Variants in EPM2A observed in about 807,000 individuals in gnomAD.
EPM2A encodes the protein EPM2A glucan phosphatase, laforin.
Under a neutral mutation model 26.5 loss-of-function variants are expected in EPM2A, and 21 were observed. The ratio of observed to expected loss-of-function variants is 0.79; its 90% CI spans 0.56 to 1.14. The LOEUF (loss-of-function observed/expected upper bound fraction) is 1.14, where lower values mean the gene tolerates loss of function less well. Ranked by LOEUF, EPM2A falls within the 50% of genes most tolerant of loss-of-function variation. The pLI is 0.00. For missense variants in EPM2A, 458 were observed against 440.8 expected, an observed-to-expected ratio of 1.04 and a Z score of -0.35; for synonymous variants, 217 against 177.6, an observed-to-expected ratio of 1.22 and a Z score of -1.76.
chr6:145,657,371 G>A (rs1339056631), intron 2 of EPM2A, among the ~76,000 whole-genome samples: 7 of 152,110 alleles, frequency 4.6e-5, no homozygotes, highest in African/African-American at 7.2e-5. Flanking sequence ...TTACAGGCAC[G>A]AGCCACTGCA....
intron 4 of EPM2A, among the ~76,000 whole-genome samples, chr6:145,454,365 A>C (rs1779234081): frequency 6.6e-6 from 1 of 152,224 alleles, no homozygotes; most frequent in South Asian, 2.1e-4. Context: ...CCAGATCAGC[A>C]AGCCCCAAAG....
chr6:145,607,052 T>C (rs1335352382), intron 2 of EPM2A, among the ~76,000 whole-genome samples: 1 of 152,130 alleles, frequency 6.6e-6, no homozygotes, highest in African/African-American at 2.4e-5. Context: ...AATCAAGTAT[T>C]TTCTTGACTT....
intron 2 of EPM2A, among the ~76,000 whole-genome samples, chr6:145,668,421 C>T (rs940404706): frequency 1.3e-5 from 2 of 151,914 alleles, no homozygotes; most frequent in Non-Finnish European, 2.9e-5. Context: ...GGTTTCAGGT[C>T]CTTTTTATAA....
At chr6:145,488,746 A>G (rs1419402389) in intron 4 of EPM2A, among the ~76,000 whole-genome samples, 1 of 152,114 alleles carries the variant, frequency 6.6e-6, no homozygotes, top group Non-Finnish European at 1.5e-5. Flanking sequence ...TTTTAAATAC[A>G]TTAATTTTTA....
chr6:145,673,840 T>C (rs1000808462), intron 2 of EPM2A, among the ~76,000 whole-genome samples: 10 of 152,156 alleles, frequency 6.6e-5, no homozygotes, highest in Non-Finnish European at 1.5e-4. Context: ...AGACTCCACC[T>C]CTGTGGGCAG....
At chr6:145,698,257 C>T (rs1236356597) in intron 1 of EPM2A, among the ~76,000 whole-genome samples, 8 of 152,160 alleles carry the variant, frequency 5.3e-5, no homozygotes, top group Non-Finnish European at 1.0e-4. Context: ...TGTTATGCTT[C>T]AAATTCTATG....
chr6:145,419,201 C>T (rs568481208), intron 4 of EPM2A, among the ~76,000 whole-genome samples: 12 of 146,980 alleles, frequency 8.2e-5, no homozygotes, highest in African/African-American at 2.7e-4. Flanking sequence ...CGCTCCTTTC[C>T]CCAGCAGCGC....
chr6:145,443,609 A>G (rs1026274497), intron 4 of EPM2A, among the ~76,000 whole-genome samples: 39 of 152,316 alleles, frequency 2.6e-4, no homozygotes, highest in African/African-American at 9.4e-4. Context: ...GAAGTTGCTT[A>G]TCATTTCAAG....
intron 2 of EPM2A, among the ~76,000 whole-genome samples, chr6:145,507,766 T>G (rs1191886288): frequency 3.3e-5 from 5 of 152,166 alleles, no homozygotes; most frequent in Non-Finnish European, 7.4e-5. Context: ...CAGCAGTAGA[T>G]GCTAGAATTA....
chr6:145,703,930 A>G (rs114425132), intron 1 of EPM2A, among the ~76,000 whole-genome samples: 1 of 152,352 alleles, frequency 6.6e-6, no homozygotes, highest in African/African-American at 2.4e-5. Flanking sequence ...ATGATAGGAT[A>G]AAATAGGCAT....
chr6:145,667,643 ACCCAGCCAT>A (rs1033468049), intron 2 of EPM2A, among the ~76,000 whole-genome samples: 5 of 150,336 alleles, frequency 3.3e-5, no homozygotes, highest in African/African-American at 1.2e-4. Context: ...ATACCATTTG[ACCCAGCCAT>A]CCCATTACTG....
intron 4 of EPM2A, among the ~76,000 whole-genome samples, chr6:145,404,345 G>GTTTTTAT (rs1301351533): frequency 6.6e-6 from 1 of 151,664 alleles, no homozygotes; most frequent in Non-Finnish European, 1.5e-5. Flanking sequence ...CATTTTAAAT[G>GTTTTTAT]TTTTTATTTT....
chr6:145,414,746 C>T lies in EPM2A; in HGVS notation c.556-30649G>A, dbSNP rs534502883. Among the ~76,000 whole-genome samples, 5 of 152,192 alleles carry T rather than the reference C, an allele frequency of 3.3e-5. No individual in the cohort carries two copies. In the East Asian group the frequency reaches 7.8e-4, roughly 24 times the overall value. On this transcript the variant is annotated intron_variant, in intron 4 of 4. Transcript: ENST00000638717. Reference sequence around the variant, plus strand: ...GGATAGCAAATTCTCCTGGACAGCACTTTCCTCCTCAACCCTGAATCCATT... The same window carrying T: ...GGATAGCAAATTCTCCTGGACAGCATTTTCCTCCTCAACCCTGAATCCATT...
intron 1 of EPM2A, among the ~76,000 whole-genome samples, chr6:145,718,024 G>A (rs1583116679): frequency 1.3e-5 from 2 of 151,210 alleles, no homozygotes; most frequent in Non-Finnish European, 3.0e-5. Flanking sequence ...AATCAATATC[G>A]TGAAAATGGC....
chr6:145,537,764 C>A (rs1043330676), intron 2 of EPM2A, among the ~76,000 whole-genome samples: 1 of 151,852 alleles, frequency 6.6e-6, no homozygotes, highest in Non-Finnish European at 1.5e-5. Flanking sequence ...CTCCCCACCC[C>A]CCGACAGGCC....
chr6:145,405,361 C>T (rs756848893), intron 4 of EPM2A, among the ~76,000 whole-genome samples: 4 of 152,098 alleles, frequency 2.6e-5, no homozygotes, highest in Non-Finnish European at 4.4e-5. Context: ...TCTGCTGTGG[C>T]TGCCGGTTAC....
At chr6:145,544,091 C>T (rs891796297) in intron 2 of EPM2A, among the ~76,000 whole-genome samples, 2 of 152,134 alleles carry the variant, frequency 1.3e-5, no homozygotes, top group African/African-American at 4.8e-5. Flanking sequence ...AATTATTAAG[C>T]TAGAGTTAAG....
In EPM2A at chr6:145,440,794, G is replaced by A. The variant is rs571187919; in HGVS notation, c.556-56697C>T. On this transcript the variant is annotated intron_variant, in intron 4 of 4. Coordinates refer to the EPM2A transcript ENST00000638717. ...CATATCCAGGTCATTTGATGTAACA[G>A]GTGGGCTCCCACAGAGTTGGGCAGC... 6.7e-4 allele frequency among the ~76,000 whole-genome samples: 102 copies of A among 152,336 alleles called. 4 individuals carry two copies. The South Asian group carries it at 0.021, about 31-fold the overall frequency.
chr6:145,649,405 G>C (rs1339248520), intron 2 of EPM2A, among the ~76,000 whole-genome samples: 3 of 152,220 alleles, frequency 2.0e-5, no homozygotes, highest in Non-Finnish European at 4.4e-5. Flanking sequence ...TTAGCAAGCA[G>C]TATTAAAGCA....
Sources: gnomAD v4.1 joint callset for allele counts (sites outside exome capture counted in the v4.1 genomes callset) on GRCh38, gnomAD v4.1.1 for gene constraint, MANE v1.5 for transcripts, NCBI Gene and HGNC (gene_info 2026-07-23, HGNC 2026-07-21) for gene names.